Variants in RGS12 observed in about 807,000 individuals in gnomAD.
The protein encoded by RGS12 is regulator of G protein signaling 12, also known as regulator of G-protein signaling 12.
A neutral mutation model predicts 120.1 loss-of-function variants in RGS12; 66 were observed. That is an observed-to-expected ratio of 0.55 (90% CI 0.45 to 0.67). The LOEUF (loss-of-function observed/expected upper bound fraction) is 0.67, where lower values mean the gene tolerates loss of function less well. Among genes scored for constraint, RGS12 ranks in the 30% least tolerant of loss-of-function variants. The pLI, the probability that RGS12 is intolerant of heterozygous loss-of-function variation, is 0.00. For missense variants in RGS12, 1,859 were observed against 1,957.7 expected (o/e 0.95, Z 0.95); for synonymous variants, 827 against 804.7 (o/e 1.03, Z -0.47).
intron 17 of RGS12, among the ~76,000 whole-genome samples, chr4:3,437,413 T>C (rs562142785): frequency 5.3e-5 from 8 of 152,162 alleles, no homozygotes; most frequent in Non-Finnish European, 1.2e-4. Flanking sequence ...TGCAGGCCCC[T>C]TCAGAGCCCT....
In RGS12 at chr4:3,389,542, C is replaced by T. The variant is rs748692290; in HGVS notation, c.2020+3105C>T. 9.9e-5 allele frequency among the ~76,000 whole-genome samples: 15 copies of T among 152,158 alleles called. No individual in the cohort carries two copies. The highest frequency in any genetic ancestry group is 2.0e-4 in the Admixed American group (3 of 15,278). On this transcript the variant is annotated intron_variant, in intron 4 of 17. Transcript: ENST00000336727. The surrounding 1 kb of genome is among the most constrained non-coding windows in gnomAD (Gnocchi z 5.2). ...GTCTGGCTCTGCACAGAGCTGGAGC[C>T]GCGGCCGCACAGAAGCCCGTTCTTG...
chr4:3,338,299 G>A (rs1292473802), intron 2 of RGS12, among the ~76,000 whole-genome samples: 1 of 152,210 alleles, frequency 6.6e-6, no homozygotes, highest in Non-Finnish European at 1.5e-5. Flanking sequence ...ACCTCAGGTG[G>A]TCCACCCGCC....
intron 4 of RGS12, among the ~76,000 whole-genome samples, chr4:3,387,153 C>T (rs921062332): frequency 6.6e-6 from 1 of 152,240 alleles, no homozygotes; most frequent in African/African-American, 2.4e-5. Context: ...ACGCTTTTGT[C>T]CCCACTTCTG....
Position 3,428,571 on chromosome 4 carries a change from C to T in RGS12, c.3425C>T (p.Thr1142Ile). The T allele has an allele frequency of 6.3e-7, 1 of 1,590,352 alleles. No homozygotes were observed. The highest frequency in any genetic ancestry group is 8.5e-7 in the Non-Finnish European group (1 of 1,173,132). ...CTTCTAATGCAGGGAGAGGAAAGAA[C>T]ACTAGGCAAGTCTAATTCTATTAAA... is the stretch of plus-strand genomic sequence containing the variant. ...RNHSATGEER[T>I]LGKSNSIKIK... is the part of the protein sequence containing the mutation. The change falls in exon 16 of 18, where the codon ACA (threonine) becomes ATA (isoleucine). Residue 1142 changes from threonine (T) to isoleucine (I), a missense_variant. By Grantham distance (89) the Thr-to-Ile change is moderately conservative. Around this residue, in one of 3 missense-constraint regions of RGS12, gnomAD observed 517 missense variants for 488.5 expected, o/e 1.06. Transcript: ENST00000336727.
intron 2 of RGS12, among the ~76,000 whole-genome samples, chr4:3,328,680 A>G (rs909016760): frequency 1.3e-5 from 2 of 152,246 alleles, no homozygotes; most frequent in Non-Finnish European, 2.9e-5. Context: ...AGGTATAGAT[A>G]TAGTAGTTTT....
chr4:3,330,374 GATT>G (rs1349805990), intron 2 of RGS12, among the ~76,000 whole-genome samples: 4 of 152,160 alleles, frequency 2.6e-5, no homozygotes, highest in Non-Finnish European at 5.9e-5. Context: ...AGGGAGATTT[GATT>G]AGGTCACCTT....
At chr4:3,355,815 A>G (rs1244305225) in intron 3 of RGS12, among the ~76,000 whole-genome samples, 2 of 150,814 alleles carry the variant, frequency 1.3e-5, no homozygotes, top group East Asian at 3.9e-4. Context: ...AAAAAAAAAA[A>G]AGGAAAAAAG....
In RGS12 at chr4:3,415,998, G is replaced by A. The variant is rs1237279674; in HGVS notation, c.2304G>A (p.Glu768=). 1 of 1,612,112 alleles carries A rather than the reference G, an allele frequency of 6.2e-7. No homozygotes were observed. The highest frequency in any genetic ancestry group is 8.5e-7 in the Non-Finnish European group (1 of 1,179,246). ...GTCAGCTTTCCTACAGGGCCCGGGA[G>A]ATTTTCAGTAAGTTTCTCTGCAGCA... The part of the protein sequence containing the change: ...DKKELSYRAR[E]IFSKFLCSKA... The change falls in exon 7 of 18, where the codon GAG becomes GAA. Residue 768 remains glutamate (E), a synonymous_variant. Coordinates refer to ENST00000336727, the MANE Select transcript of RGS12 (RefSeq NM_001394154.1).
intron 3 of RGS12, among the ~76,000 whole-genome samples, chr4:3,362,028 C>A (rs16844192): frequency 6.6e-6 from 1 of 152,314 alleles, no homozygotes; most frequent in African/African-American, 2.4e-5. Context: ...CCTCGTCACC[C>A]TCACCCACAG....
At chr4:3,356,521 A>C (rs1578805530) in intron 3 of RGS12, among the ~76,000 whole-genome samples, 2 of 151,938 alleles carry the variant, frequency 1.3e-5, no homozygotes, top group Middle Eastern at 6.8e-3. Context: ...CCCCTTAAAC[A>C]CTAATTCCCC....
chr4:3,399,790 A>G lies in RGS12; in HGVS notation c.2020+13353A>G, dbSNP rs575783684. ...ATTGCAATAACAAATAACACCAAAA[A>G]TCCTGGTGGGTTTAACAAAGCAGAT... On this transcript the variant is annotated intron_variant, in intron 4 of 17. Transcript: ENST00000336727. Among the ~76,000 whole-genome samples the G allele has an allele frequency of 1.3e-3, 205 of 152,318 alleles. 1 individual carries two copies. In the Middle Eastern group the frequency reaches 0.014, roughly 10 times the overall value.
intron 3 of RGS12, chr4:3,385,102 G>A (rs1295316301): frequency 6.6e-6 from 1 of 152,400 alleles, no homozygotes; most frequent in Non-Finnish European, 1.5e-5. Flanking sequence ...GTTCCTCTGG[G>A]CCTCACTTGT....
intron 4 of RGS12, among the ~76,000 whole-genome samples, chr4:3,408,488 T>C (rs574586258): frequency 1.3e-3 from 202 of 152,316 alleles, no homozygotes; most frequent in Non-Finnish European, 1.9e-3. Context: ...TTTGTCCAGA[T>C]GGAATCGTAA....
At position 3,422,535 on chromosome 4, in the gene RGS12, G is replaced by A. The variant is rs1723128851; in HGVS notation, c.2998G>A (p.Ala1000Thr). 1.9e-6 allele frequency: 3 copies of A among 1,612,754 alleles called. No homozygotes were observed. Among genetic ancestry groups the A allele is most frequent in the Non-Finnish European group, 1.7e-6 (2 of 1,179,968 alleles). The change falls in exon 11 of 18, where the codon GCG (alanine) becomes ACG (threonine). Residue 1000 changes from alanine to threonine, a missense_variant. Ala to Thr is a moderately conservative substitution (Grantham distance 58). Transcript: ENST00000336727. ...GLCERHGING[A>T]AADLFLVGGD... ...CTGTGAGCGGCATGGCATCAACGGG[G>A]CGGCCGCGGACCTCTTCCTGGTGGG...
At chr4:3,303,866 A>G (rs1173025182) in intron 1 of RGS12, among the ~76,000 whole-genome samples, 1 of 152,238 alleles carries the variant, frequency 6.6e-6, no homozygotes, top group Non-Finnish European at 1.5e-5. Flanking sequence ...GTTCAAAGAA[A>G]CGAAGCATTC....
At chr4:3,289,845 C>T (rs1722974066), upstream of RGS12, among the ~76,000 whole-genome samples, 1 of 152,236 alleles carries the variant, frequency 6.6e-6, no homozygotes, top group Non-Finnish European at 1.5e-5. Flanking sequence ...TGGTAACCTG[C>T]ATCCTACTCT....
intron 4 of RGS12, among the ~76,000 whole-genome samples, chr4:3,397,749 G>A (rs192020039): frequency 5.4e-4 from 83 of 152,306 alleles, no homozygotes; most frequent in Admixed American, 1.5e-3. Flanking sequence ...AAAGTGGTTG[G>A]GCTTGAAAAT....
chr4:3,417,646 G>C (rs950736017), intron 9 of RGS12, 105 bp downstream of exon 9: 1 of 1,235,050 alleles, frequency 8.1e-7, no homozygotes, highest in Non-Finnish European at 1.1e-6. Flanking sequence ...TGTGTGCAGT[G>C]AGAGGCCCTG....
chr4:3,316,444 C>G lies in RGS12; in HGVS notation c.274C>G (p.His92Asp), dbSNP rs1335364671. 2 of 1,614,150 alleles carry G rather than the reference C, an allele frequency of 1.2e-6. No individual in the cohort carries two copies. The highest frequency in any genetic ancestry group is 1.7e-6 in the Non-Finnish European group (2 of 1,180,052). The change falls in exon 2 of 18, where the codon CAC becomes GAC. Residue 92 changes from histidine to aspartate, a missense_variant. Coordinates refer to ENST00000336727, the MANE Select transcript of RGS12 (RefSeq NM_001394154.1). ...AATTGGGAAGTGCTCTGGTGTCCTT[C>G]ACATGGTGATTGCTGAAGGCGTCGG... is the stretch of plus-strand genomic sequence containing the variant. ...KLIGKCSGVL[H>D]MVIAEGVGRF...
Sources: allele counts gnomAD v4.1 joint callset (sites outside exome capture counted in the v4.1 genomes callset), GRCh38; gene constraint gnomAD v4.1.1; regional missense constraint gnomAD v4.1.1; non-coding constraint Gnocchi (gnomAD v3.1); transcripts MANE v1.5; gene names NCBI Gene and HGNC (gene_info 2026-07-23, HGNC 2026-07-21).